Variants in SLC35C1 observed in about 807,000 individuals in gnomAD.
SLC35C1 encodes the protein solute carrier family 35 member C1.
In SLC35C1, 8 loss-of-function variants were observed where a neutral mutation model predicts 23.2. The observed-to-expected ratio is 0.35, with a 90% CI of 0.20 to 0.62. The LOEUF (loss-of-function observed/expected upper bound fraction) is 0.62. SLC35C1 is among the 20% of genes least tolerant of loss of function. SLC35C1 has a pLI of 0.75. For synonymous variants in SLC35C1, 226 were observed against 225.1 expected, an observed-to-expected ratio of 1.00 and a Z score of -0.04; for missense variants, 422 against 478.6, an observed-to-expected ratio of 0.88 and a Z score of 1.10.
chr11:45,805,104 G>A (rs2085853232), upstream of SLC35C1: 2 of 985,762 alleles, frequency 2.0e-6, no homozygotes, highest in Non-Finnish European at 2.4e-6. Flanking sequence ...CCACGTGGGG[G>A]CGTGTCAGGA....
At chr11:45,808,935 G>A (rs546558123) in intron 1 of SLC35C1, among the ~76,000 whole-genome samples, 4 of 151,968 alleles carry the variant, frequency 2.6e-5, no homozygotes, top group Admixed American at 6.5e-5. Context: ...CCCAGGAGGC[G>A]AAGGTTGCAG....
Position 45,810,999 on chromosome 11 carries a change from G to A in SLC35C1, c.759G>A (p.Gln253=). 2 of 1,612,874 alleles carry A rather than the reference G, an allele frequency of 1.2e-6. No homozygotes were observed. ...TGCTCCTGCTGCTCGGGGAGCTTCAGGCCCTGCGTGACTTTGCCCAGCTGG... is the reference window on the plus strand; with the variant it reads ...TGCTCCTGCTGCTCGGGGAGCTTCAAGCCCTGCGTGACTTTGCCCAGCTGG... ...LPLLLLLGEL[Q]ALRDFAQLGS... The change falls in exon 2 of 2, where the codon CAG becomes CAA. Residue 253 remains glutamine, a synonymous_variant. Coordinates refer to ENST00000314134, the MANE Select transcript of SLC35C1 (RefSeq NM_018389.5).
At chr11:45,805,003 G>A, upstream of SLC35C1, 2 of 985,822 alleles carry the variant, frequency 2.0e-6, no homozygotes, top group Non-Finnish European at 2.4e-6. Flanking sequence ...AGCGGGCAGC[G>A]GAGCGCAGGG....
chr11:45,806,088 C>A lies in SLC35C1; in HGVS notation c.287C>A (p.Ala96Asp). The A allele has an allele frequency of 6.2e-7, 1 of 1,611,530 alleles. No homozygotes were observed. Among genetic ancestry groups the A allele is most frequent in the Non-Finnish European group, 8.5e-7 (1 of 1,179,976 alleles). Residue 96 changes from alanine to aspartate, a missense_variant, in exon 1 of 2, where the codon GCC (alanine) becomes GAC (aspartate). Coordinates refer to ENST00000314134, the MANE Select transcript of SLC35C1 (RefSeq NM_018389.5). ...LLCKGLSALA[A>D]CCPGAVDFPS... ...TGCAAAGGCCTCAGCGCTCTGGCCGCCTGCTGCCCTGGTGCCGTGGACTTC... is the reference window on the plus strand; with the variant it reads ...TGCAAAGGCCTCAGCGCTCTGGCCGACTGCTGCCCTGGTGCCGTGGACTTC...
In SLC35C1 at chr11:45,805,324, T is replaced by TA; in HGVS notation, c.-478_-477insA. ...GGCCTCCGGCAGCTCCCTGTACGCC[T>TA]CCCTCCCCCTGCCCGCCCCTCCCTC... On this transcript the variant is annotated 5_prime_UTR_variant, in exon 1 of 2. Transcript: ENST00000314134. The TA allele has an allele frequency of 1.0e-6, 1 of 999,858 alleles. No homozygotes were observed. The highest frequency in any genetic ancestry group is 1.2e-6 in the Non-Finnish European group (1 of 843,254). 61.9% of individuals were successfully genotyped at this position (999,858 alleles called of 1,614,324 possible). A position where few individuals can be genotyped will look rare whatever the true frequency, so the allele number is the denominator to read the frequency against.
Position 45,805,305 on chromosome 11 carries a change from C to T in SLC35C1, c.-497C>T. The T allele has an allele frequency of 9.6e-7, 1 of 1,041,782 alleles. No individual in the cohort carries two copies. The highest frequency in any genetic ancestry group is 1.2e-6 in the Non-Finnish European group (1 of 861,660). The allele number at this position is 1,041,782 out of a possible 1,614,324, so 64.5% of individuals were successfully genotyped here. Reference sequence around the variant, plus strand: ...CCTCCCTCCAGCCGCGCCCGGCCTCCGGCAGCTCCCTGTACGCCTCCCTCC... The same window carrying T: ...CCTCCCTCCAGCCGCGCCCGGCCTCTGGCAGCTCCCTGTACGCCTCCCTCC... On this transcript the variant is annotated 5_prime_UTR_variant, in exon 1 of 2. Transcript: ENST00000314134.
chr11:45,808,709 G>T (rs1045274990), intron 1 of SLC35C1, among the ~76,000 whole-genome samples: 1 of 151,504 alleles, frequency 6.6e-6, no homozygotes, highest in Admixed American at 6.6e-5. Context: ...GGAGGGTCGG[G>T]CTCTGTGGTT....
In SLC35C1 at chr11:45,806,024, T is replaced by A. The variant is rs758791056; in HGVS notation, c.223T>A (p.Phe75Ile). Reference protein sequence around the residue: ...SPSLRLDTPIFVTFYQCLVTT... With the variant: ...SPSLRLDTPIIVTFYQCLVTT... ...CTCCCTGCGGCTGGACACCCCCATCTTCGTCACCTTCTACCAGTGCCTGGT... is the reference window on the plus strand; with the variant it reads ...CTCCCTGCGGCTGGACACCCCCATCATCGTCACCTTCTACCAGTGCCTGGT... Residue 75 changes from phenylalanine to isoleucine, a missense_variant, in exon 1 of 2, where the codon TTC (phenylalanine) becomes ATC (isoleucine). By Grantham distance (21) the Phe-to-Ile change is conservative. Transcript: ENST00000314134. 1 of 1,613,940 alleles carries A rather than the reference T, an allele frequency of 6.2e-7. No homozygotes were observed. The highest frequency in any genetic ancestry group is 1.7e-5 in the Admixed American group (1 of 60,022).
In SLC35C1 at chr11:45,812,191, A is replaced by G. The variant is rs1169750549; in HGVS notation, c.*856A>G. 2.5e-5 allele frequency: 5 copies of G among 198,506 alleles called. No homozygotes were observed. The East Asian group carries it at 4.4e-4, about 18-fold the overall frequency. 12.3% of individuals were successfully genotyped at this position (198,506 alleles called of 1,614,324 possible). A position where few individuals can be genotyped will look rare whatever the true frequency, so the allele number is the denominator to read the frequency against. ...GCTGCTTCTCTCTTCTCCCAGTTCT[A>G]CCTCCCCAGAAGCCTTCCTCCCCAG... On this transcript the variant is annotated 3_prime_UTR_variant, in exon 2 of 2. Coordinates refer to ENST00000314134, the MANE Select transcript of SLC35C1 (RefSeq NM_018389.5).
chr11:45,808,631 C>T (rs2085902981), intron 1 of SLC35C1, among the ~76,000 whole-genome samples: 1 of 152,238 alleles, frequency 6.6e-6, no homozygotes, highest in Non-Finnish European at 1.5e-5. Flanking sequence ...GTGCAGCCCT[C>T]TGCCCCCCTC....
chr11:45,812,690 A>T lies in SLC35C1; in HGVS notation c.*1355A>T. ...ATCAGCTCCAAAGGCCCCACCTCCT[A>T]ATACTGTCACCTTGGGGGTGAGAAT... On this transcript the variant is annotated 3_prime_UTR_variant, in exon 2 of 2. Transcript: ENST00000314134. 2.2e-6 allele frequency: 1 copy of T among 455,408 alleles called. No homozygotes were observed. The highest frequency in any genetic ancestry group is 4.4e-6 in the Non-Finnish European group (1 of 226,446). 28.2% of individuals were successfully genotyped at this position (455,408 alleles called of 1,614,324 possible). A position where few individuals can be genotyped will look rare whatever the true frequency, so the allele number is the denominator to read the frequency against.
chr11:45,805,527 G>A lies in SLC35C1; in HGVS notation c.-275G>A. On this transcript the variant is annotated 5_prime_UTR_variant, in exon 1 of 2. Coordinates refer to ENST00000314134, the MANE Select transcript of SLC35C1 (RefSeq NM_018389.5). The stretch of plus-strand genomic sequence containing the variant: ...TCTTCTCCCCTCACAGGTCTTCTCT[G>A]TCCTGGCCTCACCGCCTTATCCTAT... 7.2e-7 allele frequency: 1 copy of A among 1,389,046 alleles called. No individual in the cohort carries two copies. The highest frequency in any genetic ancestry group is 1.5e-5 in the South Asian group (1 of 66,252). The allele number at this position is 1,389,046 out of a possible 1,614,324, so 86.0% of individuals were successfully genotyped here.
upstream of SLC35C1, chr11:45,804,801 A>AGC (rs1241803366): frequency 9.1e-6 from 9 of 985,678 alleles, no homozygotes; most frequent in East Asian, 9.1e-4. Context: ...AGGCTGATGT[A>AGC]GCGCCGCCCG....
At chr11:45,806,862 G>A (rs1334333842) in intron 1 of SLC35C1, 4 of 983,676 alleles carry the variant, frequency 4.1e-6, no homozygotes, top group Admixed American at 6.1e-5. Context: ...GCTCTTAGTA[G>A]AGGACAATAC....
intron 1 of SLC35C1, chr11:45,806,865 G>A (rs1244509477): frequency 3.0e-6 from 3 of 984,172 alleles, no homozygotes; most frequent in Non-Finnish European, 3.6e-6. Flanking sequence ...CTTAGTAGAG[G>A]ACAATACGTC....
At chr11:45,806,982 A>G in intron 1 of SLC35C1, 2 of 735,864 alleles carry the variant, frequency 2.7e-6, no homozygotes, top group Non-Finnish European at 3.3e-6. Context: ...CTTGACCCTC[A>G]GAAAATAATA....
rs1437794612 is a variant in SLC35C1 at position 45,806,052 on chromosome 11, C to A, written c.251C>A (p.Thr84Asn). Reference protein sequence around the residue: ...IFVTFYQCLVTTLLCKGLSAL... With the variant: ...IFVTFYQCLVNTLLCKGLSAL... The stretch of plus-strand genomic sequence containing the variant: ...GTCACCTTCTACCAGTGCCTGGTGA[C>A]CACGCTGCTGTGCAAAGGCCTCAGC... Residue 84 changes from threonine (T) to asparagine (N), a missense_variant, in exon 1 of 2, where the codon ACC becomes AAC. Transcript: ENST00000314134. 6.2e-7 allele frequency: 1 copy of A among 1,613,324 alleles called. No individual in the cohort carries two copies. Among genetic ancestry groups the A allele is most frequent in the Non-Finnish European group, 8.5e-7 (1 of 1,179,988 alleles).
Position 45,812,565 on chromosome 11 carries a change from G to C in SLC35C1, c.*1230G>C. ...CCCGATCCATAGATGGTGCCTTCTC[G>C]CTGTATCCTCAATGGTAGAAGCACA... On this transcript the variant is annotated 3_prime_UTR_variant, in exon 2 of 2. Coordinates refer to ENST00000314134, the MANE Select transcript of SLC35C1 (RefSeq NM_018389.5). 2.2e-6 allele frequency: 1 copy of C among 455,994 alleles called. No homozygotes were observed. Among genetic ancestry groups the C allele is most frequent in the Non-Finnish European group, 4.4e-6 (1 of 226,780 alleles). The allele number at this position is 455,994 out of a possible 1,614,324, so 28.2% of individuals were successfully genotyped here.
chr11:45,804,490 GC>G (rs1284267409), upstream of SLC35C1: 2 of 985,722 alleles, frequency 2.0e-6, no homozygotes, highest in African/African-American at 3.5e-5. Context: ...GGCTGGACCG[GC>G]CGGGGAAACA....
Sources: gnomAD v4.1 joint callset for allele counts (sites outside exome capture counted in the v4.1 genomes callset) on GRCh38, gnomAD v4.1.1 for gene constraint, MANE v1.5 for transcripts, NCBI Gene and HGNC (gene_info 2026-07-23, HGNC 2026-07-21) for gene names.